The following TNFRSF11B variants were observed in gnomAD, a reference collection of about 807,000 sequenced individuals.
TNFRSF11B encodes the protein TNF receptor superfamily member 11b.
TNFRSF11B carries 16 observed loss-of-function variants against 43.4 expected under a neutral mutation model. That is an observed-to-expected ratio of 0.37 (90% CI 0.25 to 0.56). The LOEUF is 0.56. Among genes scored for constraint, TNFRSF11B ranks in the 20% least tolerant of loss-of-function variants. The pLI is 0.80. For missense variants in TNFRSF11B, 444 were observed against 490.1 expected, an observed-to-expected ratio of 0.91 and a Z score of 0.89; for synonymous variants, 185 against 181.8, an observed-to-expected ratio of 1.02 and a Z score of -0.14.
intron 3 of TNFRSF11B, 26 bp downstream of exon 3, chr8:118,928,712 A>G (rs376355169): frequency 3.8e-5 from 61 of 1,611,082 alleles, no homozygotes; most frequent in Middle Eastern, 1.7e-4. Flanking sequence ...AAAATCGTAC[A>G]AAGACGTATT....
intron 1 of TNFRSF11B, among the ~76,000 whole-genome samples, chr8:118,951,125 A>C (rs1812637760): frequency 6.6e-6 from 1 of 152,226 alleles, no homozygotes; most frequent in African/African-American, 2.4e-5. Context: ...AGCCCTATTT[A>C]GTGAACTTCA....
At chr8:118,951,701 T>G in intron 1 of TNFRSF11B, 91 bp downstream of exon 1, 2 of 1,309,256 alleles carry the variant, frequency 1.5e-6, no homozygotes, top group Non-Finnish European at 2.2e-6. Context: ...GAGTGGAGCC[T>G]TCTCCCCGCC....
At chr8:118,929,737 A>G (rs1812300071) in intron 2 of TNFRSF11B, among the ~76,000 whole-genome samples, 1 of 152,252 alleles carries the variant, frequency 6.6e-6, no homozygotes, top group Non-Finnish European at 1.5e-5. Context: ...ACACTTGACT[A>G]TATTACGCAT....
In TNFRSF11B at chr8:118,926,608, C is replaced by G; in HGVS notation, c.703G>C (p.Glu235Gln). ...DNLPGTKVNA[E>Q]SVERIKRQHS... is the part of the protein sequence containing the mutation. ...TGCCGTTTTATCCTCTCTACACTCTCTGCGTTTACTTTGGTGCCAGGCAAA... is the reference window on the plus strand; with the variant it reads ...TGCCGTTTTATCCTCTCTACACTCTGTGCGTTTACTTTGGTGCCAGGCAAA... The change falls in exon 4 of 5, where the codon GAG (glutamate) becomes CAG (glutamine). Residue 235 changes from glutamate (E) to glutamine (Q), a missense_variant. Coordinates refer to ENST00000297350, the MANE Select transcript of TNFRSF11B (RefSeq NM_002546.4). 1 of 1,614,122 alleles carries G rather than the reference C, an allele frequency of 6.2e-7. No homozygotes were observed. The highest frequency in any genetic ancestry group is 8.5e-7 in the Non-Finnish European group (1 of 1,179,998).
intron 4 of TNFRSF11B, 22 bp downstream of exon 4, chr8:118,926,472 T>C: frequency 6.3e-7 from 1 of 1,595,806 alleles, no homozygotes; most frequent in Non-Finnish European, 8.6e-7. Flanking sequence ...CTGATTGATC[T>C]TTTTATTTTA....
At chr8:118,947,317 C>G (rs1026462470) in intron 1 of TNFRSF11B, among the ~76,000 whole-genome samples, 3 of 151,732 alleles carry the variant, frequency 2.0e-5, no homozygotes, top group Admixed American at 1.3e-4. Context: ...CGATCCAACA[C>G]CCTAGCAAAT....
In TNFRSF11B at chr8:118,928,852, A is replaced by T; in HGVS notation, c.478T>A (p.Cys160Ser). ...ACACTGCAATTTGTGTGTTTTCTAC[A>T]GGGTGCTTTAGATGACGTCTCATTT... is the stretch of plus-strand genomic sequence containing the variant. ...FSNETSSKAP[C>S]RKHTNCSVFG... Residue 160 changes from cysteine to serine, a missense_variant, in exon 3 of 5, where the codon TGT becomes AGT. Transcript: ENST00000297350. The T allele has an allele frequency of 6.2e-7, 1 of 1,614,200 alleles. No individual in the cohort carries two copies. The highest frequency in any genetic ancestry group is 8.5e-7 in the Non-Finnish European group (1 of 1,180,038).
chr8:118,928,929 C>G lies in TNFRSF11B; in HGVS notation c.401G>C (p.Gly134Ala). 2 of 1,614,068 alleles carry G rather than the reference C, an allele frequency of 1.2e-6. No homozygotes were observed. The highest frequency in any genetic ancestry group is 8.5e-7 in the Non-Finnish European group (1 of 1,179,990). Reference protein sequence around the residue: ...CPPGFGVVQAGTPERNTVCKR... With the variant: ...CPPGFGVVQAATPERNTVCKR... ...GCAAACTGTATTTCGCTCTGGGGTT[C>G]CTACAGAAAATACCAAGCAATTTAG... Residue 134 changes from glycine (G) to alanine (A), a missense_variant and splice_region_variant, in exon 3 of 5, where the codon GGA becomes GCA. Transcript: ENST00000297350.
intron 1 of TNFRSF11B, among the ~76,000 whole-genome samples, chr8:118,945,633 T>C (rs750363026): frequency 1.3e-5 from 2 of 152,084 alleles, no homozygotes; most frequent in Non-Finnish European, 2.9e-5. Flanking sequence ...GGTGGTGAAA[T>C]TGATGCAAAT....
In TNFRSF11B at chr8:118,928,934, A is replaced by G. The variant is rs3134046; in HGVS notation, c.401-5T>C. 1,520,364 of 1,613,910 alleles carry G rather than the reference A, an allele frequency of 0.94. 716,535 individuals are homozygous for G. The highest frequency in any genetic ancestry group is 0.97 in the South Asian group (88,034 of 91,076). ...CTGTATTTCGCTCTGGGGTTCCTAC[A>G]GAAAATACCAAGCAATTTAGTACCT... On this transcript the variant is annotated splice_region_variant and splice_polypyrimidine_tract_variant and intron_variant, in intron 2 of 4. Coordinates refer to ENST00000297350, the MANE Select transcript of TNFRSF11B (RefSeq NM_002546.4).
At chr8:118,936,842 A>AT (rs1563691467) in intron 1 of TNFRSF11B, among the ~76,000 whole-genome samples, 1 of 152,096 alleles carries the variant, frequency 6.6e-6, no homozygotes, top group African/African-American at 2.4e-5. Context: ...AGCCTACTCT[A>AT]TTTTTTGTTT....
chr8:118,942,320 T>G (rs1204139630), intron 1 of TNFRSF11B, among the ~76,000 whole-genome samples: 1 of 151,034 alleles, frequency 6.6e-6, no homozygotes, highest in Non-Finnish European at 1.5e-5. Context: ...TACAGTTGCT[T>G]TTCTTTGAAG....
chr8:118,936,448 G>T (rs1359088097), intron 1 of TNFRSF11B, among the ~76,000 whole-genome samples: 1 of 152,078 alleles, frequency 6.6e-6, no homozygotes, highest in African/African-American at 2.4e-5. Context: ...TTCCCACACA[G>T]AATTTCTGGA....
In TNFRSF11B at chr8:118,926,591, T is replaced by C. The variant is rs767927201; in HGVS notation, c.720A>G (p.Ile240Met). 33 of 1,614,044 alleles carry C rather than the reference T, an allele frequency of 2.0e-5. No homozygotes were observed. The East Asian group carries it at 7.4e-4, about 36-fold the overall frequency. Residue 240 changes from isoleucine (I) to methionine (M), a missense_variant, in exon 4 of 5, where the codon ATA becomes ATG. Physicochemically the swap from Ile to Met is conservative, Grantham distance 10 (BLOSUM62 1). Transcript: ENST00000297350. ...GTTCTTGTGAGCTGTGTTGCCGTTT[T>C]ATCCTCTCTACACTCTCTGCGTTTA... ...TKVNAESVERIKRQHSSQEQT... is the reference protein window; with the variant it reads ...TKVNAESVERMKRQHSSQEQT...
intron 2 of TNFRSF11B, among the ~76,000 whole-genome samples, chr8:118,931,799 T>C (rs1389241226): frequency 1.3e-5 from 2 of 152,266 alleles, no homozygotes; most frequent in Non-Finnish European, 1.5e-5. Flanking sequence ...TAATTTAGAC[T>C]TTGTATATCA....
rs978245414 is a variant in TNFRSF11B, at chr8:118,930,659, G to A, written c.401-1730C>T. 23 of 408,524 alleles carry A rather than the reference G, an allele frequency of 5.6e-5. 1 individual carries two copies. The East Asian group carries it at 1.4e-3, about 25-fold the overall frequency. The allele number at this position is 408,524 out of a possible 1,614,324, so 25.3% of individuals were successfully genotyped here. A position where few individuals can be genotyped will look rare whatever the true frequency, so the allele number is the denominator to read the frequency against. ...ACTCCTGACCTCAGGTGATCTGCCC[G>A]CCTTGACCTCTCAAACTCTTGAGAT... On this transcript the variant is annotated intron_variant, in intron 2 of 4. Coordinates refer to ENST00000297350, the MANE Select transcript of TNFRSF11B (RefSeq NM_002546.4).
intron 2 of TNFRSF11B, 23 bp from the exon 3 acceptor site, chr8:118,928,952 T>G: frequency 6.2e-7 from 1 of 1,610,584 alleles, no homozygotes; most frequent in Non-Finnish European, 8.5e-7. Context: ...CCAAGCAATT[T>G]AGTACCTTCT....
Position 118,951,816 on chromosome 8 carries a change from G to C in TNFRSF11B, c.6C>G (p.Asn2Lys). 2 of 1,590,860 alleles carry C rather than the reference G, an allele frequency of 1.3e-6. No individual in the cohort carries two copies. The highest frequency in any genetic ancestry group is 1.7e-6 in the Non-Finnish European group (2 of 1,168,740). M[N>K]NLLCCALVFL... ...CCACGAGCGCGCAGCACAGCAAGTT[G>C]TTCATTGTGGTCCCCGGAAACCTCA... Residue 2 changes from asparagine to lysine, a missense_variant, in exon 1 of 5, where the codon AAC (asparagine) becomes AAG (lysine). Transcript: ENST00000297350.
At chr8:118,933,421 A>G (rs1812356531) in intron 1 of TNFRSF11B, 121 bp from the exon 2 acceptor site, 3 of 1,482,872 alleles carry the variant, frequency 2.0e-6, no homozygotes, top group Non-Finnish European at 2.8e-6. Flanking sequence ...GATTTGCCAC[A>G]AAGTAAGCTT....
Sources: allele counts gnomAD v4.1 joint callset (sites outside exome capture counted in the v4.1 genomes callset), GRCh38; gene constraint gnomAD v4.1.1; transcripts MANE v1.5; gene names NCBI Gene and HGNC (gene_info 2026-07-23, HGNC 2026-07-21).